The following DPP9 variants were observed in gnomAD, a reference collection of about 807,000 sequenced individuals.
DPP9 encodes the protein dipeptidyl peptidase IV-related protein-2.
Under a neutral mutation model 110.7 loss-of-function variants are expected in DPP9, and 50 were observed. That is an observed-to-expected ratio of 0.45 (90% CI 0.36 to 0.57). DPP9 has a LOEUF of 0.57. Ranked by LOEUF, DPP9 falls within the 20% of genes least tolerant of loss-of-function variation. DPP9 has a pLI of 0.00. For synonymous variants in DPP9, 561 were observed against 514.4 expected (o/e 1.09, Z -1.23); for missense variants, 1,022 against 1,217.9 (o/e 0.84, Z 2.39).
In DPP9 at chr19:4,712,060, C is replaced by T. The variant is rs2092861343; in HGVS notation, c.313+2021G>A. Among the ~76,000 whole-genome samples the T allele has an allele frequency of 2.0e-5, 3 of 152,288 alleles. No individual in the cohort carries two copies. The South Asian group carries it at 6.2e-4, about 32-fold the overall frequency. On this transcript the variant is annotated intron_variant, in intron 4 of 21. Coordinates refer to ENST00000262960, the MANE Select transcript of DPP9 (RefSeq NM_139159.5). ...CAGCCACAGAAAACTCCTCCAAACG[C>T]CCTGACCAGGACAGCAACCCCAACG... is the stretch of plus-strand genomic sequence containing the variant.
intron 4 of DPP9, 125 bp from the exon 5 acceptor site, chr19:4,706,095 G>C (rs2092569343): frequency 2.7e-6 from 2 of 754,374 alleles, no homozygotes; most frequent in African/African-American, 3.5e-5. Context: ...CCGCCGGCGG[G>C]ACAGCCCTCC....
chr19:4,722,059 T>C (rs2093348253), intron 2 of DPP9: 1 of 164,448 alleles, frequency 6.1e-6, no homozygotes, highest in South Asian at 1.6e-4. Context: ...CACATACAGC[T>C]TTTAACACAG....
In DPP9 at chr19:4,700,209, C is replaced by G. The variant is rs1212976420; in HGVS notation, c.1074+7G>C. 1.3e-6 allele frequency: 2 copies of G among 1,575,820 alleles called. No homozygotes were observed. Among genetic ancestry groups the G allele is most frequent in the East Asian group, 4.6e-5 (2 of 43,108 alleles). On this transcript the variant is annotated splice_region_variant and intron_variant, in intron 10 of 21. Transcript: ENST00000262960. This position sits in a 1 kb window ranked among gnomAD's most constrained non-coding sequence, Gnocchi z 4.3. ...TAGATTATCTGGTATGCAGCAGGCC[C>G]CCTTACCTTGCCCTGGCTGTCAGTC...
chr19:4,683,621 C>T lies in DPP9; in HGVS notation c.2187G>A (p.Val729=), dbSNP rs762881092. 87 of 1,613,448 alleles carry T rather than the reference C, an allele frequency of 5.4e-5. No homozygotes were observed. The Middle Eastern group carries it at 1.5e-3, about 28-fold the overall frequency. Residue 729 remains valine (V), a synonymous_variant, in exon 19 of 22, where the codon GTG becomes GTA. Transcript: ENST00000262960. ...EGALKNQMGQ[V]EIEDQVEGLQ... is the part of the protein sequence containing the mutation. ...GGCCCTCCACCTGGTCCTCGATCTC[C>T]ACCTGGCCCTGAGGGATGAAGCCGG... is the stretch of plus-strand genomic sequence containing the variant.
At position 4,704,294 on chromosome 19, in the gene DPP9, T is replaced by G. The variant is rs1292602627; in HGVS notation, c.437A>C (p.His146Pro). 7 of 1,612,548 alleles carry G rather than the reference T, an allele frequency of 4.3e-6. No individual in the cohort carries two copies. Among genetic ancestry groups the G allele is most frequent in the Non-Finnish European group, 5.9e-6 (7 of 1,179,772 alleles). The change falls in exon 6 of 22, where the codon CAC becomes CCC. Residue 146 changes from histidine to proline, a missense_variant. This residue lies in a region of DPP9 where 810 missense variants were observed against 920.6 expected (regional missense o/e 0.88). Transcript: ENST00000262960. The surrounding 1 kb of genome is among the most constrained non-coding windows in gnomAD (Gnocchi z 6.0). ...QMLDHFQATP[H>P]HGVYSREEEL... is the part of the protein sequence containing the mutation. ...CTCCTCCCGAGAGTAGACCCCATGG[T>G]GGGGCGTGGCCTGGAAACATACAGG...
chr19:4,722,461 C>T (rs1244704728), intron 2 of DPP9, 38 bp downstream of exon 2: 2 of 702,536 alleles, frequency 2.8e-6, no homozygotes, highest in African/African-American at 1.7e-5. Context: ...CAGCCCACAC[C>T]CCAGCCTTCC....
Position 4,695,391 on chromosome 19 carries a change from T to C in DPP9, c.1340A>G (p.Asn447Ser). The C allele has an allele frequency of 6.3e-7, 1 of 1,580,822 alleles. No homozygotes were observed. Among genetic ancestry groups the C allele is most frequent in the South Asian group, 1.2e-5 (1 of 86,372 alleles). Residue 447 changes from asparagine to serine, a missense_variant, in exon 12 of 22, where the codon AAC becomes AGC. This residue lies in a region of DPP9 where 810 missense variants were observed against 920.6 expected (regional missense o/e 0.88). Transcript: ENST00000262960. This position sits in a 1 kb window ranked among gnomAD's most constrained non-coding sequence, Gnocchi z 4.7. ...QPYVVYEEVT[N>S]VWINVHDIFY... ...TGCCCCGCTTACATTGATCCAGACGTTGGTGACCTCCTCGTACACCACATA... is the reference window on the plus strand; with the variant it reads ...TGCCCCGCTTACATTGATCCAGACGCTGGTGACCTCCTCGTACACCACATA...
Position 4,690,873 on chromosome 19 carries a change from G to A in DPP9, c.1596+5C>T, listed in dbSNP as rs1225390549. On this transcript the variant is annotated splice_donor_5th_base_variant and intron_variant, in intron 14 of 21. Transcript: ENST00000262960. ...CAGGGGAAGGCTGCAAGGAGACCCT[G>A]GTACCTTGGAGCCGTGCCTCGCCAA... 1 of 1,611,318 alleles carries A rather than the reference G, an allele frequency of 6.2e-7. No individual in the cohort carries two copies. Among genetic ancestry groups the A allele is most frequent in the South Asian group, 1.1e-5 (1 of 90,540 alleles).
rs548761372 is a variant in DPP9, at chr19:4,677,695, G to A, written c.2587-1039C>T. Reference sequence around the variant, plus strand: ...CAAGGGCCCACTCCTTCCCCAGCCCGGGCAGTGGCACTCCCTGGGGCAGAC... The same window carrying A: ...CAAGGGCCCACTCCTTCCCCAGCCCAGGCAGTGGCACTCCCTGGGGCAGAC... On this transcript the variant is annotated intron_variant, in intron 21 of 21. Transcript: ENST00000262960. Among the ~76,000 whole-genome samples, 84 of 152,314 alleles carry A rather than the reference G, an allele frequency of 5.5e-4. 1 individual carries two copies. The highest frequency in any genetic ancestry group is 1.7e-3 in the African/African-American group (72 of 41,570).
intron 20 of DPP9, among the ~76,000 whole-genome samples, chr19:4,681,592 T>C (rs1450228790): frequency 6.6e-6 from 1 of 151,802 alleles, no homozygotes; most frequent in Non-Finnish European, 1.5e-5. Context: ...TTTGAGACAG[T>C]TTCTCTCTGT....
At position 4,685,003 on chromosome 19, in the gene DPP9, AG is replaced by A; in HGVS notation, c.2032-195del. The stretch of plus-strand genomic sequence containing the variant: ...AGGGGCCCATACTCGGGACCCTGCT[AG>A]GGAGGGGGAAGGGCCACTGTCAGGC... On this transcript the variant is annotated intron_variant, in intron 17 of 21. Coordinates refer to ENST00000262960, the MANE Select transcript of DPP9 (RefSeq NM_139159.5). The surrounding 1 kb of genome is among the most constrained non-coding windows in gnomAD (Gnocchi z 5.8). 1.4e-6 allele frequency: 1 copy of A among 730,032 alleles called. No homozygotes were observed. Among genetic ancestry groups the A allele is most frequent in the Non-Finnish European group, 2.4e-6 (1 of 413,614 alleles). 45.2% of individuals were successfully genotyped at this position (730,032 alleles called of 1,614,324 possible). A position where few individuals can be genotyped will look rare whatever the true frequency, so the allele number is the denominator to read the frequency against.
Position 4,685,702 on chromosome 19 carries a change from C to A in DPP9, c.1955G>T (p.Gly652Val). 2 of 1,613,358 alleles carry A rather than the reference C, an allele frequency of 1.2e-6. No homozygotes were observed. ...FHTRSDVRLY[G>V]MIYKPHALQP... is the part of the protein sequence containing the mutation. ...CAAGGCGTGGGGCTTGTAGATCATG[C>A]CGTAGAGCCGCACATCCGAGCGCGT... The change falls in exon 17 of 22, where the codon GGC (glycine) becomes GTC (valine). Residue 652 changes from glycine (G) to valine (V), a missense_variant. Physicochemically the swap from Gly to Val is moderately radical, Grantham distance 109 (BLOSUM62 -3). Coordinates refer to ENST00000262960, the MANE Select transcript of DPP9 (RefSeq NM_139159.5). This position sits in a 1 kb window ranked among gnomAD's most constrained non-coding sequence, Gnocchi z 5.8.
chr19:4,676,382 A>G lies in DPP9; in HGVS notation c.*182T>C, dbSNP rs577574909. On this transcript the variant is annotated 3_prime_UTR_variant, in exon 22 of 22. Transcript: ENST00000262960. The surrounding 1 kb of genome is among the most constrained non-coding windows in gnomAD (Gnocchi z 4.0). ...AGAAGCAGCGGACATAAAACCCAAG[A>G]GCGTTTAAAAAAGGATAAAAGGCGT... The G allele has an allele frequency of 5.1e-5, 31 of 603,418 alleles. 1 individual carries two copies. The Admixed American group carries it at 6.2e-4, about 12-fold the overall frequency. The allele number at this position is 603,418 out of a possible 1,614,324, so 37.4% of individuals were successfully genotyped here. A position where few individuals can be genotyped will look rare whatever the true frequency, so the allele number is the denominator to read the frequency against.
rs1211518927 is a variant in DPP9 at position 4,698,740 on chromosome 19, CCT to C, written c.1075-1091_1075-1090del. 6.6e-6 allele frequency among the ~76,000 whole-genome samples: 1 copy of C among 152,006 alleles called. No homozygotes were observed. Among genetic ancestry groups the C allele is most frequent in the African/African-American group, 2.4e-5 (1 of 41,386 alleles). On this transcript the variant is annotated intron_variant, in intron 10 of 21. Coordinates refer to ENST00000262960, the MANE Select transcript of DPP9 (RefSeq NM_139159.5). The surrounding 1 kb of genome is among the most constrained non-coding windows in gnomAD (Gnocchi z 4.2). ...ACTCCAGCCTAGACGACAGTGAGAC[CCT>C]GTCTCAAAAAACAAGAACAAACAAG...
rs1004144722 is a variant in DPP9 at position 4,685,877 on chromosome 19, C to T, written c.1886-106G>A. The T allele has an allele frequency of 7.5e-7, 1 of 1,326,694 alleles. No individual in the cohort carries two copies. Among genetic ancestry groups the T allele is most frequent in the Non-Finnish European group, 1.0e-6 (1 of 979,006 alleles). 82.2% of individuals were successfully genotyped at this position (1,326,694 alleles called of 1,614,324 possible). On this transcript the variant is annotated intron_variant, in intron 16 of 21. Coordinates refer to ENST00000262960, the MANE Select transcript of DPP9 (RefSeq NM_139159.5). This position sits in a 1 kb window ranked among gnomAD's most constrained non-coding sequence, Gnocchi z 5.8. ...CCTTGGAGGGTGGACCAAAGCACCC[C>T]CTCTTTTCCTGGGCTTCCCGAGAGT...
chr19:4,684,836 C>T lies in DPP9; in HGVS notation c.2032-27G>A, dbSNP rs1180999266. 1 of 1,578,920 alleles carries T rather than the reference C, an allele frequency of 6.3e-7. No homozygotes were observed. The highest frequency in any genetic ancestry group is 8.6e-7 in the Non-Finnish European group (1 of 1,163,304). ...TGTGGGGAGGTGAGGGCCAGCAGTC[C>T]AGCACGAGATGCCGGGCAGGACGGG... On this transcript the variant is annotated intron_variant, in intron 17 of 21. Transcript: ENST00000262960. This position sits in a 1 kb window ranked among gnomAD's most constrained non-coding sequence, Gnocchi z 4.8.
intron 4 of DPP9, among the ~76,000 whole-genome samples, chr19:4,712,479 A>G (rs936861930): frequency 6.6e-6 from 1 of 152,038 alleles, no homozygotes; most frequent in Admixed American, 6.5e-5. Context: ...TGAGCCAGGG[A>G]TTTCCAGGCT....
Position 4,695,132 on chromosome 19 carries a change from C to G in DPP9, c.1353+246G>C. ...CACCACTGCACTCTAGTCTGGGCAA[C>G]AGAGCAACCCTGTCTCTAATTAAAG... On this transcript the variant is annotated intron_variant, in intron 12 of 21. Coordinates refer to ENST00000262960, the MANE Select transcript of DPP9 (RefSeq NM_139159.5). This position sits in a 1 kb window ranked among gnomAD's most constrained non-coding sequence, Gnocchi z 4.7. 5 of 577,020 alleles carry G rather than the reference C, an allele frequency of 8.7e-6. No individual in the cohort carries two copies. In the South Asian group the frequency reaches 9.1e-5, roughly 10 times the overall value. The allele number at this position is 577,020 out of a possible 1,614,324, so 35.7% of individuals were successfully genotyped here.
chr19:4,697,257 C>T (rs1375753727), intron 11 of DPP9, among the ~76,000 whole-genome samples: 2 of 152,162 alleles, frequency 1.3e-5, no homozygotes, highest in African/African-American at 4.8e-5. Flanking sequence ...AGCCTGAGGT[C>T]TGGGGACACC....
Sources: gnomAD v4.1 joint callset for allele counts (sites outside exome capture counted in the v4.1 genomes callset) on GRCh38, gnomAD v4.1.1 for gene constraint, gnomAD v4.1.1 regional missense constraint, Gnocchi (gnomAD v3.1) non-coding constraint, MANE v1.5 for transcripts, NCBI Gene and HGNC (gene_info 2026-07-23, HGNC 2026-07-21) for gene names.